Variants in C6 observed in about 807,000 individuals in gnomAD.
C6 encodes complement component C6.
C6 carries 101 observed loss-of-function variants against 112.9 expected under a neutral mutation model. The observed-to-expected ratio is 0.89, with a 90% CI of 0.76 to 1.06. The LOEUF (loss-of-function observed/expected upper bound fraction) is 1.06. C6 is among the 50% of genes least tolerant of loss of function. The probability of loss-of-function intolerance (pLI) is 0.00; values close to 1 mark genes in which losing one functional copy is unlikely to be tolerated. For synonymous variants in C6, 431 were observed against 384.1 expected (o/e 1.12, Z -1.43); for missense variants, 1,202 against 1,104.6 (o/e 1.09, Z -1.25).
intron 15 of C6, among the ~76,000 whole-genome samples, chr5:41,153,535 TTAC>T (rs1456576553): frequency 6.6e-6 from 1 of 152,216 alleles, no homozygotes; most frequent in East Asian, 1.9e-4. Context: ...TGAGATCGCT[TTAC>T]TGATAATTTT....
Position 41,166,382 on chromosome 5 carries a change from T to C in C6, c.1292-4523A>G, listed in dbSNP as rs141998872. On this transcript the variant is annotated intron_variant, in intron 9 of 17. Transcript: ENST00000337836. Reference sequence around the variant, plus strand: ...TTCTTTTCCTCTCTATGCCTCTGTGTCCTCATCTATAAAATGGGGGTAATA... The same window carrying C: ...TTCTTTTCCTCTCTATGCCTCTGTGCCCTCATCTATAAAATGGGGGTAATA... 7.2e-5 allele frequency among the ~76,000 whole-genome samples: 11 copies of C among 152,264 alleles called. No individual in the cohort carries two copies. The East Asian group carries it at 2.1e-3, about 29-fold the overall frequency.
intron 1 of C6, among the ~76,000 whole-genome samples, chr5:41,205,972 C>A (rs1034032682): frequency 6.6e-6 from 1 of 152,194 alleles, no homozygotes; most frequent in Admixed American, 6.5e-5. Flanking sequence ...CCTCCCAGTA[C>A]GGGCCGACTG....
chr5:41,227,878 A>C (rs1739621455), intron 1 of C6, among the ~76,000 whole-genome samples: 2 of 152,056 alleles, frequency 1.3e-5, no homozygotes, highest in Admixed American at 6.6e-5. Flanking sequence ...ATTACTTTGT[A>C]GTGTATTTTG....
At chr5:41,256,428 TTAAAAAAAAAAAAGTAAAA>T (rs1440443019) in intron 1 of C6, among the ~76,000 whole-genome samples, 2 of 35,894 alleles carry the variant, frequency 5.6e-5, no homozygotes, top group Admixed American at 3.6e-4. Flanking sequence ...TAAAGTATAA[TTAAAAAAAAAAAAGTAAAA>T]AAAAAAAAAA....
intron 9 of C6, among the ~76,000 whole-genome samples, chr5:41,170,444 T>A (rs1196979791): frequency 2.0e-5 from 3 of 152,026 alleles, no homozygotes; most frequent in Non-Finnish European, 4.4e-5. Context: ...ATCTCTGAGT[T>A]CTTGATTTAT....
At chr5:41,215,415 A>G (rs761792407), upstream of C6, among the ~76,000 whole-genome samples, 1 of 152,196 alleles carries the variant, frequency 6.6e-6, no homozygotes, top group Non-Finnish European at 1.5e-5. Context: ...GGAATTGAAT[A>G]CTTGTGTGCA....
At chr5:41,168,389 G>T (rs11749976) in intron 9 of C6, among the ~76,000 whole-genome samples, 63,626 of 151,840 alleles carry the variant, frequency 0.42, 13,524 homozygotes, top group Non-Finnish European at 0.46. Flanking sequence ...TTGTTGATTT[G>T]CTGGAGGGTC....
At chr5:41,197,467 C>A (rs73074018) in intron 4 of C6, among the ~76,000 whole-genome samples, 2,280 of 152,160 alleles carry the variant, frequency 0.015, 60 homozygotes, top group African/African-American at 0.052. Flanking sequence ...TGAATCTATA[C>A]ATATTACATT....
intron 13 of C6, among the ~76,000 whole-genome samples, 187 bp from the exon 14 acceptor site, chr5:41,155,291 G>A (rs151105102): frequency 4.5e-4 from 68 of 152,152 alleles, no homozygotes; most frequent in African/African-American, 1.4e-3. Flanking sequence ...TTTTCTTCAT[G>A]ATATTTATTC....
At chr5:41,193,025 T>C (rs1362170726) in intron 5 of C6, among the ~76,000 whole-genome samples, 1 of 152,146 alleles carries the variant, frequency 6.6e-6, no homozygotes, top group African/African-American at 2.4e-5. Context: ...AATGGATGAA[T>C]TGTATGGCAT....
chr5:41,157,273 A>C (rs539932127), intron 13 of C6, among the ~76,000 whole-genome samples: 28 of 152,342 alleles, frequency 1.8e-4, no homozygotes, highest in Admixed American at 5.9e-4. Context: ...TCACTGTTGA[A>C]AGCCTTCGTG....
At position 41,221,126 on chromosome 5, in the gene C6, T is replaced by C. The variant is rs1164445658; in HGVS notation, c.-20-17876A>G. 6.6e-5 allele frequency among the ~76,000 whole-genome samples: 10 copies of C among 152,228 alleles called. No individual in the cohort carries two copies. The East Asian group carries it at 9.6e-4, about 15-fold the overall frequency. On this transcript the variant is annotated intron_variant, in intron 1 of 17. Transcript: ENST00000263413. ...CCTGCAGTTTTCTTTCTAGTACCAG[T>C]CACTTTAAAATTAGAGCTGTTTTAT...
intron 1 of C6, among the ~76,000 whole-genome samples, chr5:41,225,886 A>G (rs575953954): frequency 1.2e-3 from 178 of 152,320 alleles, no homozygotes; most frequent in African/African-American, 4.1e-3. Context: ...TGCTGGGAAA[A>G]CTGACTAGCC....
At chr5:41,246,724 G>A (rs1222378153) in intron 1 of C6, among the ~76,000 whole-genome samples, 1 of 152,172 alleles carries the variant, frequency 6.6e-6, no homozygotes, top group Non-Finnish European at 1.5e-5. Flanking sequence ...GTTGTTGGAT[G>A]TCTACTCCCA....
chr5:41,201,989 G>T (rs1286287221), intron 2 of C6, among the ~76,000 whole-genome samples: 2 of 152,100 alleles, frequency 1.3e-5, no homozygotes, highest in Non-Finnish European at 2.9e-5. Flanking sequence ...CAAGCATGAA[G>T]CCCTTCTAAG....
chr5:41,215,147 A>G (rs1322489762), upstream of C6, among the ~76,000 whole-genome samples: 1 of 152,096 alleles, frequency 6.6e-6, no homozygotes, highest in East Asian at 1.9e-4. Flanking sequence ...TTTGTAAATA[A>G]CGTTTTATAG....
At chr5:41,200,891 G>GTTTTGTTTTTT (rs1554029750) in intron 3 of C6, among the ~76,000 whole-genome samples, 2 of 70,670 alleles carry the variant, frequency 2.8e-5, no homozygotes, top group Non-Finnish European at 4.9e-5. Flanking sequence ...TGTTGTTGTT[G>GTTTTGTTTTTT]TTTTTTTTTT....
At position 41,176,362 on chromosome 5, in the gene C6, T is replaced by C; in HGVS notation, c.1168+113A>G. The C allele has an allele frequency of 3.7e-6, 4 of 1,081,666 alleles. No homozygotes were observed. The South Asian group carries it at 6.3e-5, about 17-fold the overall frequency. 67.0% of individuals were successfully genotyped at this position (1,081,666 alleles called of 1,614,324 possible). On this transcript the variant is annotated intron_variant, in intron 8 of 17. Coordinates refer to ENST00000337836, the MANE Select transcript of C6 (RefSeq NM_000065.5). ...ATCATTCTTCATATCATTTTGGAAA[T>C]AAAGCAGGATCTAAATAAAGTCAAA...
Position 41,155,048 on chromosome 5 carries a change from G to C in C6, c.2025C>G (p.Gly675=), listed in dbSNP as rs140691326. ...GEDVEISCLT[G]FETVGYQYFR... ...AGTACTGGTATCCAACAGTTTCAAA[G>C]CCAGTAAGGCATGAAATTTCAACAT... The change falls in exon 14 of 18, where the codon GGC becomes GGG. Residue 675 remains glycine, a synonymous_variant. Coordinates refer to ENST00000337836, the MANE Select transcript of C6 (RefSeq NM_000065.5). 1.6e-5 allele frequency: 26 copies of C among 1,613,332 alleles called. No individual in the cohort carries two copies. Among genetic ancestry groups the C allele is most frequent in the Non-Finnish European group, 2.2e-5 (26 of 1,179,370 alleles).
Sources: allele counts gnomAD v4.1 joint callset (sites outside exome capture counted in the v4.1 genomes callset), GRCh38; gene constraint gnomAD v4.1.1; transcripts MANE v1.5; gene names NCBI Gene and HGNC (gene_info 2026-07-23, HGNC 2026-07-21).